LCORL: variants seen among roughly 807,000 people sequenced by gnomAD.
LCORL encodes ligand-dependent nuclear receptor corepressor-like protein.
A neutral mutation model predicts 141.8 loss-of-function variants in LCORL; 41 were observed. That is an observed-to-expected ratio of 0.29 (90% CI 0.23 to 0.38). LCORL has a LOEUF of 0.38. LCORL is among the 10% of genes least tolerant of loss of function. The probability of loss-of-function intolerance (pLI) is 1.00; values close to 1 mark genes in which losing one functional copy is unlikely to be tolerated. For synonymous variants in LCORL, 618 were observed against 694.1 expected, an observed-to-expected ratio of 0.89 and a Z score of 1.72; for missense variants, 1,759 against 2,035.0, an observed-to-expected ratio of 0.86 and a Z score of 2.61.
chr4:17,909,105 T>A lies in LCORL; in HGVS notation c.671A>T (p.Asn224Ile). 1.9e-6 allele frequency: 3 copies of A among 1,597,400 alleles called. No homozygotes were observed. The South Asian group carries it at 3.5e-5, about 18-fold the overall frequency. ...ACAAAAAATCTTACCTTGCTGAGTA[T>A]TTTGTTCTTGCATTCGATTCACAGT... Residue 224 changes from asparagine to isoleucine, a missense_variant, in exon 5 of 8, where the codon AAT becomes ATT. Asn to Ile is a moderately radical substitution (Grantham distance 149). Transcript: ENST00000635767.
At chr4:17,952,647 C>A (rs1272703274) in intron 4 of LCORL, among the ~76,000 whole-genome samples, 2 of 152,122 alleles carry the variant, frequency 1.3e-5, no homozygotes, top group African/African-American at 4.8e-5. Flanking sequence ...GATCTCCTGA[C>A]CTCGTGATCC....
chr4:17,892,574 C>G (rs1420815285), intron 5 of LCORL, among the ~76,000 whole-genome samples: 4 of 151,970 alleles, frequency 2.6e-5, no homozygotes, highest in African/African-American at 9.7e-5. Context: ...ATATATATAG[C>G]TGAAATACTA....
At chr4:17,889,279 G>A (rs1287934712) in intron 5 of LCORL, among the ~76,000 whole-genome samples, 1 of 151,994 alleles carries the variant, frequency 6.6e-6, no homozygotes, top group African/African-American at 2.4e-5. Context: ...TCTAAACAAT[G>A]ACCCTATTGA....
intron 4 of LCORL, among the ~76,000 whole-genome samples, chr4:17,932,805 C>G (rs1736259430): frequency 6.6e-6 from 1 of 152,132 alleles, no homozygotes; most frequent in South Asian, 2.1e-4. Flanking sequence ...TGCAAAATCT[C>G]CAATATTTAT....
At chr4:17,850,756 G>C (rs1274667079) in intron 7 of LCORL, among the ~76,000 whole-genome samples, 1 of 151,778 alleles carries the variant, frequency 6.6e-6, no homozygotes, top group East Asian at 1.9e-4. Context: ...AATACCATTT[G>C]ACCCAGCCAT....
intron 4 of LCORL, among the ~76,000 whole-genome samples, chr4:17,932,114 G>A (rs567006907): frequency 3.0e-4 from 46 of 152,094 alleles, no homozygotes; most frequent in Non-Finnish European, 5.4e-4. Flanking sequence ...TCAATTTGCC[G>A]TCCATACTTT....
intron 6 of LCORL, 59 bp from the exon 7 acceptor site, chr4:17,878,272 A>C: frequency 8.8e-7 from 1 of 1,131,338 alleles, no homozygotes; most frequent in Non-Finnish European, 1.1e-6. Context: ...ATAAGGAGTT[A>C]TAATTTTAAC....
intron 1 of LCORL, among the ~76,000 whole-genome samples, chr4:17,986,748 T>A (rs1010233245): frequency 6.6e-6 from 1 of 152,188 alleles, no homozygotes; most frequent in Non-Finnish European, 1.5e-5. Context: ...TTTTCCTATC[T>A]ATATTCTGAA....
intron 2 of LCORL, among the ~76,000 whole-genome samples, chr4:17,969,600 T>A (rs1715558170): frequency 6.6e-6 from 1 of 152,108 alleles, no homozygotes; most frequent in South Asian, 2.1e-4. Flanking sequence ...TTTAATTTCA[T>A]AACTAAAAAG....
intron 5 of LCORL, among the ~76,000 whole-genome samples, chr4:17,899,926 C>G (rs1730620968): frequency 6.6e-6 from 1 of 152,012 alleles, no homozygotes; most frequent in Non-Finnish European, 1.5e-5. Context: ...TGGGCCCCAT[C>G]CACAAGATAT....
chr4:17,914,315 A>G (rs1577403329), intron 4 of LCORL, among the ~76,000 whole-genome samples: 1 of 152,212 alleles, frequency 6.6e-6, no homozygotes, highest in Non-Finnish European at 1.5e-5. Flanking sequence ...CCTGAATTGT[A>G]TTACTAACAT....
chr4:17,921,047 C>G (rs928447615), intron 4 of LCORL, among the ~76,000 whole-genome samples: 1 of 152,058 alleles, frequency 6.6e-6, no homozygotes, highest in Non-Finnish European at 1.5e-5. Flanking sequence ...TTTTTTGAGA[C>G]AAAGTCTCAC....
chr4:17,954,443 C>A (rs775662433), intron 4 of LCORL, among the ~76,000 whole-genome samples: 4 of 152,150 alleles, frequency 2.6e-5, no homozygotes, highest in Non-Finnish European at 4.4e-5. Flanking sequence ...AAGGAGGAGA[C>A]AGAACCAGAC....
At chr4:17,992,104 A>C (rs1333199393) in intron 1 of LCORL, among the ~76,000 whole-genome samples, 2 of 152,234 alleles carry the variant, frequency 1.3e-5, no homozygotes, top group Non-Finnish European at 2.9e-5. Flanking sequence ...CTATGAACAA[A>C]TACCCATGAC....
chr4:17,931,946 G>A (rs1195122291), intron 4 of LCORL, among the ~76,000 whole-genome samples: 4 of 152,022 alleles, frequency 2.6e-5, no homozygotes, highest in African/African-American at 7.2e-5. Context: ...TTCTGTTTAG[G>A]AGGATGGTTG....
intron 1 of LCORL, among the ~76,000 whole-genome samples, chr4:17,978,148 A>C (rs1223900511): frequency 6.6e-6 from 1 of 152,164 alleles, no homozygotes; most frequent in Admixed American, 6.6e-5. Flanking sequence ...TCTCCCAATT[A>C]CGAATCGTAT....
intron 7 of LCORL, among the ~76,000 whole-genome samples, chr4:17,851,876 G>T (rs932432061): frequency 3.3e-5 from 5 of 152,122 alleles, no homozygotes; most frequent in African/African-American, 1.2e-4. Flanking sequence ...ATGTTAAAAA[G>T]TGGCATACCA....
intron 4 of LCORL, chr4:17,911,815 A>G: frequency 2.2e-6 from 1 of 455,218 alleles, no homozygotes; most frequent in East Asian, 5.2e-5. Flanking sequence ...CCTGATCTCC[A>G]TGTCCTGCTC....
chr4:17,989,882 A>T (rs976206420), intron 1 of LCORL, among the ~76,000 whole-genome samples: 1 of 152,068 alleles, frequency 6.6e-6, no homozygotes. Flanking sequence ...TCTGCTTCCA[A>T]CTTCATTCTT....
Sources: allele counts gnomAD v4.1 joint callset (sites outside exome capture counted in the v4.1 genomes callset), GRCh38; gene constraint gnomAD v4.1.1; transcripts MANE v1.5; gene names NCBI Gene and HGNC (gene_info 2026-07-23, HGNC 2026-07-21).